The following SGCD variants were observed in gnomAD, a reference collection of about 807,000 sequenced individuals.
SGCD encodes delta-sarcoglycan.
A neutral mutation model predicts 36.6 loss-of-function variants in SGCD; 18 were observed. The ratio of observed to expected loss-of-function variants is 0.49; its 90% CI spans 0.34 to 0.73. The LOEUF is 0.73. Among genes scored for constraint, SGCD ranks in the 30% least tolerant of loss-of-function variants. The pLI is 0.01. For synonymous variants in SGCD, 133 were observed against 130.6 expected (o/e 1.02, Z -0.12); for missense variants, 387 against 346.7 (o/e 1.12, Z -0.92).
intron 1 of SGCD, among the ~76,000 whole-genome samples, chr5:155,935,615 A>C (rs1392562676): frequency 6.6e-6 from 1 of 152,250 alleles, no homozygotes; most frequent in Non-Finnish European, 1.5e-5. Context: ...GGTGAGGAGC[A>C]TGCAGGCAAG....
At chr5:155,883,477 C>T (rs113979562) in intron 1 of SGCD, among the ~76,000 whole-genome samples, 5 of 152,010 alleles carry the variant, frequency 3.3e-5, no homozygotes, top group Non-Finnish European at 7.4e-5. Flanking sequence ...TATTAATTGG[C>T]CTAATTTCAG....
At chr5:156,191,386 G>A (rs1161602510) in intron 3 of SGCD, among the ~76,000 whole-genome samples, 1 of 152,094 alleles carries the variant, frequency 6.6e-6, no homozygotes, top group Non-Finnish European at 1.5e-5. Context: ...AAAGGTAGAC[G>A]CATTAAAAGG....
At chr5:156,209,420 G>C (rs1014358424) in intron 3 of SGCD, among the ~76,000 whole-genome samples, 5 of 152,138 alleles carry the variant, frequency 3.3e-5, no homozygotes, top group African/African-American at 1.2e-4. Context: ...GATTACTCTA[G>C]GTTACAGATC....
chr5:156,327,407 C>A (rs909649238), intron 1 of SGCD, among the ~76,000 whole-genome samples, 175 bp downstream of exon 1: 1 of 152,194 alleles, frequency 6.6e-6, no homozygotes, highest in Admixed American at 6.5e-5. Context: ...CTGTGCTTTT[C>A]CCCCTTTAAG....
At chr5:155,950,596 GA>G (rs1157163036) in intron 1 of SGCD, among the ~76,000 whole-genome samples, 1 of 152,184 alleles carries the variant, frequency 6.6e-6, no homozygotes, top group Non-Finnish European at 1.5e-5. Context: ...ATATGATTAA[GA>G]AGGAGGCATG....
At chr5:155,964,397 T>C (rs565994096) in intron 1 of SGCD, among the ~76,000 whole-genome samples, 5 of 152,144 alleles carry the variant, frequency 3.3e-5, no homozygotes, top group African/African-American at 1.2e-4. Flanking sequence ...TGGAGTGCAG[T>C]GCATGATCTC....
intron 3 of SGCD, among the ~76,000 whole-genome samples, chr5:156,128,077 G>T (rs1418458963): frequency 1.3e-5 from 2 of 150,350 alleles, no homozygotes; most frequent in Non-Finnish European, 3.0e-5. Flanking sequence ...GGAGAAAATA[G>T]TTGTAATACC....
At chr5:156,078,519 AAAT>A (rs1263628114) in intron 1 of SGCD, among the ~76,000 whole-genome samples, 34 of 137,364 alleles carry the variant, frequency 2.5e-4, no homozygotes, top group African/African-American at 1.0e-3. Flanking sequence ...TCAAAAAAAA[AAAT>A]ATATATATAT....
intron 3 of SGCD, among the ~76,000 whole-genome samples, chr5:156,307,022 T>C (rs974044520): frequency 2.0e-5 from 3 of 151,162 alleles, no homozygotes; most frequent in Non-Finnish European, 4.4e-5. Context: ...GGTTGCTATT[T>C]GCACAGAATA....
chr5:155,892,196 G>A lies in SGCD; in HGVS notation c.-282+21772G>A, dbSNP rs557043419. ...GAAGCGGCCAGGCACAGTGGCTCAC[G>A]CCTGTAGTCCCAGCACTTTGGGAGG... On this transcript the variant is annotated intron_variant, in intron 1 of 9. Coordinates refer to the SGCD transcript ENST00000517913. 5.3e-5 allele frequency among the ~76,000 whole-genome samples: 8 copies of A among 152,174 alleles called. No homozygotes were observed. The East Asian group carries it at 9.7e-4, about 18-fold the overall frequency.
At chr5:156,527,229 A>G (rs1033862239) in intron 4 of SGCD, among the ~76,000 whole-genome samples, 2 of 152,238 alleles carry the variant, frequency 1.3e-5, no homozygotes, top group African/African-American at 2.4e-5. Context: ...GAAATAACTT[A>G]TAAGAAGTAC....
rs144161104 is a variant in SGCD, at chr5:156,019,634, T to A, written c.-281-98244T>A. Among the ~76,000 whole-genome samples, 119 of 152,274 alleles carry A rather than the reference T, an allele frequency of 7.8e-4. 1 individual carries two copies. The highest frequency in any genetic ancestry group is 2.8e-3 in the African/African-American group (115 of 41,552). ...TTTCATATGAAAGCAGCATACACAT[T>A]ATATCAGAGAGGACAGCTAAAGCTA... On this transcript the variant is annotated intron_variant, in intron 1 of 9. Transcript: ENST00000517913.
chr5:156,023,322 A>G (rs761612028), intron 1 of SGCD, among the ~76,000 whole-genome samples: 48 of 139,662 alleles, frequency 3.4e-4, no homozygotes, highest in Non-Finnish European at 6.9e-4. Flanking sequence ...CCACATGAAA[A>G]TTGTTCCCCC....
intron 7 of SGCD, among the ~76,000 whole-genome samples, chr5:156,734,042 T>C (rs1243286255): frequency 6.6e-6 from 1 of 152,162 alleles, no homozygotes; most frequent in African/African-American, 2.4e-5. Flanking sequence ...TGGCTGGTAA[T>C]GATCTTTCTT....
rs1765269281 is a variant in SGCD at position 156,239,997 on chromosome 5, G to A, written c.-43-89537G>A. On this transcript the variant is annotated intron_variant, in intron 3 of 9. Coordinates refer to the SGCD transcript ENST00000517913. ...TTCAAAAGGGTCAAAGTCCCAAATA[G>A]GTAACTTAAGCGAATTGGCCAAGTC... 2.0e-5 allele frequency among the ~76,000 whole-genome samples: 3 copies of A among 152,268 alleles called. No individual in the cohort carries two copies. The South Asian group carries it at 6.2e-4, about 32-fold the overall frequency.
At chr5:156,166,520 C>A (rs1263734093) in intron 3 of SGCD, among the ~76,000 whole-genome samples, 1 of 152,158 alleles carries the variant, frequency 6.6e-6, no homozygotes, top group Non-Finnish European at 1.5e-5. Context: ...CAGGGTTTCA[C>A]CGTGTTAGCC....
intron 1 of SGCD, among the ~76,000 whole-genome samples, chr5:155,945,574 G>T (rs1757421942): frequency 6.6e-6 from 1 of 152,192 alleles, no homozygotes; most frequent in Admixed American, 6.5e-5. Context: ...CTAGCCTGAG[G>T]CTTCAGGGAA....
At chr5:156,668,984 G>A (rs1753176428) in intron 7 of SGCD, among the ~76,000 whole-genome samples, 1 of 152,084 alleles carries the variant, frequency 6.6e-6, no homozygotes, top group Non-Finnish European at 1.5e-5. Context: ...AAAGGGCCTG[G>A]GTCAGCACTC....
chr5:156,252,048 C>T (rs1561584993), intron 3 of SGCD, among the ~76,000 whole-genome samples: 1 of 151,790 alleles, frequency 6.6e-6, no homozygotes, highest in Admixed American at 6.6e-5. Flanking sequence ...ATGTAGTACT[C>T]ATTTTGATAT....
Sources: gnomAD v4.1 joint callset for allele counts (sites outside exome capture counted in the v4.1 genomes callset) on GRCh38, gnomAD v4.1.1 for gene constraint, MANE v1.5 for transcripts, NCBI Gene and HGNC (gene_info 2026-07-23, HGNC 2026-07-21) for gene names.